The following ADARB1 variants were observed in gnomAD, a reference collection of about 807,000 sequenced individuals.
ADARB1 encodes the protein adenosine deaminase RNA specific B1.
ADARB1 carries 10 observed loss-of-function variants against 52.4 expected under a neutral mutation model. That is an observed-to-expected ratio of 0.19 (90% confidence interval 0.12 to 0.32). ADARB1 has a LOEUF of 0.32. Ranked by LOEUF, ADARB1 falls within the 10% of genes least tolerant of loss-of-function variation. The pLI is 1.00. For missense variants in ADARB1, 643 were observed against 922.3 expected, an observed-to-expected ratio of 0.70 and a Z score of 3.92; for synonymous variants, 349 against 371.1, an observed-to-expected ratio of 0.94 and a Z score of 0.68.
rs2146350019 is a variant in ADARB1, at chr21:45,204,798, C to T, written c.1747+62C>T. The stretch of plus-strand genomic sequence containing the variant: ...CTTGATTTTGCAATGTTTTCATCCT[C>T]ATGAATGAAAAAAACACCACCTGAG... On this transcript the variant is annotated intron_variant, in intron 9 of 10. Transcript: ENST00000348831. This position sits in a 1 kb window ranked among gnomAD's most constrained non-coding sequence, Gnocchi z 4.4. 6.5e-7 allele frequency: 1 copy of T among 1,543,434 alleles called. No homozygotes were observed. The highest frequency in any genetic ancestry group is 2.3e-5 in the East Asian group (1 of 44,012).
chr21:45,185,219 T>A, intron 8 of ADARB1, 128 bp downstream of exon 8: 1 of 1,258,076 alleles, frequency 7.9e-7, no homozygotes, highest in Non-Finnish European at 1.1e-6. Context: ...TCCACAGTAT[T>A]CTTTGAAGGA....
intron 1 of ADARB1, among the ~76,000 whole-genome samples, chr21:45,083,808 C>T (rs1364448652): frequency 1.3e-5 from 2 of 152,218 alleles, no homozygotes; most frequent in Non-Finnish European, 2.9e-5. Flanking sequence ...GATCCTCCCG[C>T]CTCAGTCTCA....
intron 3 of ADARB1, 78 bp from the exon 4 acceptor site, chr21:45,175,652 C>A: frequency 7.0e-7 from 1 of 1,419,188 alleles, no homozygotes; most frequent in Non-Finnish European, 9.7e-7. Flanking sequence ...ACAAAGAGAG[C>A]TAAAGGAATC....
intron 9 of ADARB1, among the ~76,000 whole-genome samples, chr21:45,218,929 C>T (rs1444587142): frequency 1.3e-5 from 2 of 152,032 alleles, no homozygotes; most frequent in Non-Finnish European, 2.9e-5. Flanking sequence ...TTTTGGTGGC[C>T]TATAACATCC....
chr21:45,124,477 C>T (rs577614286), intron 1 of ADARB1, among the ~76,000 whole-genome samples: 108 of 151,926 alleles, frequency 7.1e-4, no homozygotes, highest in Non-Finnish European at 6.0e-4. Context: ...TGGGCTCAGA[C>T]GATCCTCCTG....
chr21:45,100,057 T>C (rs1306239904), intron 1 of ADARB1, among the ~76,000 whole-genome samples: 1 of 152,236 alleles, frequency 6.6e-6, no homozygotes, highest in African/African-American at 2.4e-5. Flanking sequence ...CTTCTAGTCT[T>C]CCCTTTCCAA....
chr21:45,196,308 G>T (rs945174165), intron 8 of ADARB1, among the ~76,000 whole-genome samples: 52 of 149,938 alleles, frequency 3.5e-4, no homozygotes, highest in African/African-American at 1.3e-3. Flanking sequence ...AAAAAAAAAA[G>T]CAAAAAAAAT....
intron 9 of ADARB1, among the ~76,000 whole-genome samples, chr21:45,217,679 T>G (rs2092891982): frequency 6.6e-6 from 1 of 152,200 alleles, no homozygotes; most frequent in Non-Finnish European, 1.5e-5. Flanking sequence ...TAGATCTGGA[T>G]TTCCATTTTG....
intron 2 of ADARB1, among the ~76,000 whole-genome samples, chr21:45,159,495 C>T (rs2090849321): frequency 6.6e-6 from 1 of 152,192 alleles, no homozygotes. Context: ...TAATAATTTT[C>T]TTCCAATTCG....
chr21:45,159,934 T>C (rs1465237831), intron 2 of ADARB1, among the ~76,000 whole-genome samples: 3 of 152,260 alleles, frequency 2.0e-5, no homozygotes, highest in Non-Finnish European at 4.4e-5. Flanking sequence ...ATCTTTGCTT[T>C]CTGCAAAATG....
chr21:45,129,207 T>C (rs2088780961), intron 2 of ADARB1, among the ~76,000 whole-genome samples: 1 of 151,876 alleles, frequency 6.6e-6, no homozygotes, highest in East Asian at 1.9e-4. Context: ...CCAGCCTGGG[T>C]GACAGAGCAA....
chr21:45,082,818 C>T (rs1319140317), intron 1 of ADARB1, among the ~76,000 whole-genome samples: 1 of 152,222 alleles, frequency 6.6e-6, no homozygotes, highest in African/African-American at 2.4e-5. Flanking sequence ...CAGATCTCTT[C>T]TTCCACTTCT....
intron 3 of ADARB1, among the ~76,000 whole-genome samples, chr21:45,173,724 AT>A (rs1038104729): frequency 2.0e-5 from 3 of 150,214 alleles, no homozygotes; most frequent in East Asian, 1.9e-4. Context: ...TCTTGGCTCT[AT>A]TTTTTTTAAC....
intron 1 of ADARB1, among the ~76,000 whole-genome samples, chr21:45,105,365 G>A (rs947776612): frequency 1.3e-5 from 2 of 152,320 alleles, no homozygotes; most frequent in East Asian, 3.9e-4. Context: ...GCCTCTTAAA[G>A]TGCTGGGATT....
intron 8 of ADARB1, among the ~76,000 whole-genome samples, chr21:45,197,499 CAAAAA>C (rs58085027): frequency 8.8e-6 from 1 of 113,716 alleles, no homozygotes. Context: ...GACTCTGTCT[CAAAAA>C]AAAAAAAAAA....
Position 45,144,436 on chromosome 21 carries a change from G to A in ADARB1, c.-48+15863G>A, listed in dbSNP as rs369099473. On this transcript the variant is annotated intron_variant, in intron 2 of 10. Coordinates refer to ENST00000348831, the MANE Select transcript of ADARB1 (RefSeq NM_001112.4). ...ATTAACTTGCAAAGACATGGCAGCT[G>A]AAGTCAGAAATTGATGAACTTTTAA... is the stretch of plus-strand genomic sequence containing the variant. Among the ~76,000 whole-genome samples, 4 of 152,208 alleles carry A rather than the reference G, an allele frequency of 2.6e-5. No individual in the cohort carries two copies. In the East Asian group the frequency reaches 5.8e-4, roughly 22 times the overall value.
At chr21:45,101,916 C>T (rs2087036356) in intron 1 of ADARB1, among the ~76,000 whole-genome samples, 1 of 152,190 alleles carries the variant, frequency 6.6e-6, no homozygotes, top group East Asian at 1.9e-4. Context: ...GGGACAGGGT[C>T]TCACTCTGTT....
rs2093028922 is a variant in ADARB1 at position 45,224,602 on chromosome 21, TGTG to T, written c.*2406_*2408del. 1 of 676,034 alleles carries T rather than the reference TGTG, an allele frequency of 1.5e-6. No homozygotes were observed. The highest frequency in any genetic ancestry group is 1.6e-6 in the Non-Finnish European group (1 of 612,826). The allele number at this position is 676,034 out of a possible 1,614,324, so 41.9% of individuals were successfully genotyped here. On this transcript the variant is annotated 3_prime_UTR_variant, in exon 11 of 11. Coordinates refer to ENST00000348831, the MANE Select transcript of ADARB1 (RefSeq NM_001112.4). ...GGGCAGGGGGCTACTGGGGGGCGGC[TGTG>T]AGGAGGAGTTGGGTTCAGGGAGCCC... is the stretch of plus-strand genomic sequence containing the variant.
At chr21:45,164,077 T>G (rs1474858225) in intron 2 of ADARB1, among the ~76,000 whole-genome samples, 1 of 152,132 alleles carries the variant, frequency 6.6e-6, no homozygotes, top group Non-Finnish European at 1.5e-5. Flanking sequence ...AGTTCATGCT[T>G]TTTCCTTCTG....
Sources: allele counts gnomAD v4.1 joint callset (sites outside exome capture counted in the v4.1 genomes callset), GRCh38; gene constraint gnomAD v4.1.1; non-coding constraint Gnocchi (gnomAD v3.1); transcripts MANE v1.5; gene names NCBI Gene and HGNC (gene_info 2026-07-23, HGNC 2026-07-21).